The following IL1RAPL2 variants were observed in gnomAD, a reference collection of about 807,000 sequenced individuals.
The protein encoded by IL1RAPL2 is X-linked interleukin-1 receptor accessory protein-like 2.
A neutral mutation model predicts 44.1 loss-of-function variants in IL1RAPL2; 3 were observed. The observed-to-expected ratio is 0.07, with a 90% CI of 0.03 to 0.18. The LOEUF is 0.18. Among genes scored for constraint, IL1RAPL2 ranks in the 10% least tolerant of loss-of-function variants. The pLI is 1.00. For missense variants in IL1RAPL2, 391 were observed against 496.4 expected (o/e 0.79, Z 2.02); for synonymous variants, 181 against 178.8 (o/e 1.01, Z -0.10).
chrX:105,156,545 G>T (rs2033270018), intron 2 of IL1RAPL2, among the ~76,000 whole-genome samples: 1 of 112,445 alleles, frequency 8.9e-6, no homozygotes, highest in South Asian at 3.6e-4. Context: ...GCATATTTTA[G>T]CAACACTACA....
intron 6 of IL1RAPL2, among the ~76,000 whole-genome samples, chrX:105,578,964 G>T (rs933408315): frequency 3.8e-4 from 42 of 111,642 alleles, no homozygotes; most frequent in Non-Finnish European, 6.6e-4. Context: ...TCTAGCTACT[G>T]AAGTATTCAG....
intron 2 of IL1RAPL2, among the ~76,000 whole-genome samples, chrX:104,979,104 C>T (rs1156345935): frequency 3.6e-5 from 4 of 111,356 alleles, no homozygotes; most frequent in Admixed American, 1.9e-4. Context: ...ATATTCTAAG[C>T]TCCTGTAATT....
At chrX:104,577,560 GA>G (rs1368282935) in intron 1 of IL1RAPL2, among the ~76,000 whole-genome samples, 1 of 111,793 alleles carries the variant, frequency 8.9e-6, no homozygotes, top group East Asian at 2.8e-4. Flanking sequence ...AAGCATCAGG[GA>G]CTGATAAGTA....
intron 2 of IL1RAPL2, among the ~76,000 whole-genome samples, chrX:105,167,377 CCTTTA>C (rs1197552672): frequency 8.9e-6 from 1 of 112,218 alleles, no homozygotes; most frequent in African/African-American, 3.2e-5. Context: ...GATATTTTTA[CCTTTA>C]CTTGGTCAAT....
chrX:105,676,753 T>G (rs1192344454), intron 6 of IL1RAPL2, among the ~76,000 whole-genome samples: 1 of 112,217 alleles, frequency 8.9e-6, no homozygotes, highest in Non-Finnish European at 1.9e-5. Context: ...AAATGTCTTC[T>G]TCAATAATTA....
At chrX:105,468,467 A>G (rs1467086183) in intron 5 of IL1RAPL2, among the ~76,000 whole-genome samples, 5 of 112,018 alleles carry the variant, frequency 4.5e-5, no homozygotes, top group African/African-American at 1.6e-4. Context: ...CATGTGACCT[A>G]TGCAGCTACA....
intron 2 of IL1RAPL2, among the ~76,000 whole-genome samples, chrX:104,678,499 A>G (rs945322807): frequency 8.9e-6 from 1 of 111,758 alleles, no homozygotes; most frequent in African/African-American, 3.3e-5. Context: ...GAGCCACTGC[A>G]TCTCATCCTT....
intron 8 of IL1RAPL2, among the ~76,000 whole-genome samples, chrX:105,747,514 GTGTATA>G (rs763294193): frequency 2.0e-5 from 1 of 49,908 alleles, no homozygotes; most frequent in African/African-American, 6.8e-5. Context: ...GTGTGTGTGT[GTGTATA>G]TATATATATA....
intron 2 of IL1RAPL2, among the ~76,000 whole-genome samples, chrX:104,846,077 TATC>T (rs1922044166): frequency 8.9e-6 from 1 of 111,963 alleles, no homozygotes; most frequent in East Asian, 2.8e-4. Flanking sequence ...ATTGGGCCGA[TATC>T]ATTTTGTTAG....
chrX:105,541,883 T>C (rs1444420017), intron 6 of IL1RAPL2, among the ~76,000 whole-genome samples: 1 of 111,166 alleles, frequency 9.0e-6, no homozygotes, highest in East Asian at 2.8e-4. Flanking sequence ...AGTAGGGTAG[T>C]TCAAGCCACT....
intron 2 of IL1RAPL2, among the ~76,000 whole-genome samples, chrX:104,945,718 A>G (rs1925327374): frequency 8.9e-6 from 1 of 112,261 alleles, no homozygotes; most frequent in South Asian, 3.7e-4. Context: ...ATGCTCAGCA[A>G]GACAAAATTT....
At chrX:105,740,194 C>G in intron 7 of IL1RAPL2, among the ~76,000 whole-genome samples, 1 of 110,967 alleles carries the variant, frequency 9.0e-6, no homozygotes, top group African/African-American at 3.3e-5. Context: ...CACAAAAAAC[C>G]CTTCAAAAAA....
intron 2 of IL1RAPL2, among the ~76,000 whole-genome samples, chrX:104,786,135 T>C (rs190723792): frequency 8.9e-6 from 1 of 112,517 alleles, no homozygotes; most frequent in East Asian, 2.8e-4. Flanking sequence ...TTCTTTTTGC[T>C]TTTCCCTTTT....
chrX:105,101,318 GA>G (rs2032668602), intron 2 of IL1RAPL2, among the ~76,000 whole-genome samples: 1 of 112,001 alleles, frequency 8.9e-6, no homozygotes, highest in South Asian at 3.8e-4. Flanking sequence ...AGCAAGGGCA[GA>G]AAAACCCTAA....
rs150176470 is a variant in IL1RAPL2, at chrX:105,201,121, T to C, written c.356+5373T>C. Among the ~76,000 whole-genome samples the C allele has an allele frequency of 9.3e-4, 104 of 111,933 alleles. 1 individual carries two copies. The East Asian group carries it at 0.023, about 25-fold the overall frequency. Reference sequence around the variant, plus strand: ...TCCCAATATTTTTGGTCTCTAATAGTCATTGAAAGAAGTGAGGTTCTCAAA... The same window carrying C: ...TCCCAATATTTTTGGTCTCTAATAGCCATTGAAAGAAGTGAGGTTCTCAAA... On this transcript the variant is annotated intron_variant, in intron 3 of 10. Coordinates refer to ENST00000372582, the MANE Select transcript of IL1RAPL2 (RefSeq NM_017416.2).
At chrX:104,967,107 C>T (rs1195138268) in intron 2 of IL1RAPL2, among the ~76,000 whole-genome samples, 1 of 111,553 alleles carries the variant, frequency 9.0e-6, no homozygotes, top group African/African-American at 3.2e-5. Context: ...TTAGAAAATA[C>T]ATATTATTCT....
Position 105,352,959 on chromosome X carries a change from G to T in IL1RAPL2, c.697+85418G>T, listed in dbSNP as rs2035168667. Among the ~76,000 whole-genome samples, 5 of 110,106 alleles carry T rather than the reference G, an allele frequency of 4.5e-5. No homozygotes were observed. In the East Asian group the frequency reaches 8.6e-4, roughly 19 times the overall value. ...AATTAGATCCCATTTGTCAATTTTG[G>T]CTTTTGTTGCCATTGCTTTTGGTGT... On this transcript the variant is annotated intron_variant, in intron 5 of 10. Coordinates refer to ENST00000372582, the MANE Select transcript of IL1RAPL2 (RefSeq NM_017416.2).
intron 2 of IL1RAPL2, among the ~76,000 whole-genome samples, chrX:104,817,099 A>G (rs764664728): frequency 8.9e-6 from 1 of 112,933 alleles, no homozygotes; most frequent in East Asian, 2.8e-4. Context: ...CAAAAAGTGT[A>G]TGATCTAATG....
intron 2 of IL1RAPL2, among the ~76,000 whole-genome samples, chrX:105,066,793 C>A (rs2032142505): frequency 9.0e-6 from 1 of 111,689 alleles, no homozygotes; most frequent in Non-Finnish European, 1.9e-5. Context: ...TTACAGTGAA[C>A]TTTGCTTTAA....
Sources: allele counts gnomAD v4.1 joint callset (sites outside exome capture counted in the v4.1 genomes callset), GRCh38; gene constraint gnomAD v4.1.1; transcripts MANE v1.5; gene names NCBI Gene and HGNC (gene_info 2026-07-23, HGNC 2026-07-21).